Variants in TMEM175 observed in about 807,000 individuals in gnomAD.
TMEM175 encodes transmembrane protein 175.
A neutral mutation model predicts 36.5 loss-of-function variants in TMEM175; 36 were observed. The ratio of observed to expected loss-of-function variants is 0.99; its 90% confidence interval spans 0.76 to 1.30. TMEM175 has a LOEUF of 1.30. TMEM175 is among the 50% of genes most tolerant of loss of function. The pLI is 0.00. For missense variants in TMEM175, 705 were observed against 692.8 expected (o/e 1.02, Z -0.20); for synonymous variants, 339 against 313.4 (o/e 1.08, Z -0.86).
At position 958,181 on chromosome 4, in the gene TMEM175, C is replaced by G. The variant is rs867304463; in HGVS notation, c.1200C>G (p.His400Gln). 3 of 1,603,976 alleles carry G rather than the reference C, an allele frequency of 1.9e-6. No individual in the cohort carries two copies. In the Middle Eastern group the frequency reaches 5.0e-4, roughly 265 times the overall value. The change falls in exon 11 of 11, where the codon CAC becomes CAG. Residue 400 changes from histidine to glutamine, a missense_variant. By Grantham distance (24) the His-to-Gln change is conservative. Coordinates refer to ENST00000264771, the MANE Select transcript of TMEM175 (RefSeq NM_032326.4). ...CCATGTGGACCACGGCGCTGCTGCA[C>G]CAGGCGGAGACGCTGCAGCCCTCGG... ...QLAMWTTALL[H>Q]QAETLQPSVW...
chr4:958,521 G>A lies in TMEM175; in HGVS notation c.*25G>A, dbSNP rs574631728. On this transcript the variant is annotated 3_prime_UTR_variant, in exon 11 of 11. Transcript: ENST00000264771. ...GCAGCCACAGAGCCCACTCCCAGCC[G>A]TCCTCACCAGAGATGGACCAGGGAG... The A allele has an allele frequency of 3.1e-5, 46 of 1,468,136 alleles. No homozygotes were observed. The highest frequency in any genetic ancestry group is 2.2e-4 in the South Asian group (16 of 73,286). The allele number at this position is 1,468,136 out of a possible 1,614,324, so 90.9% of individuals were successfully genotyped here. A position where few individuals can be genotyped will look rare whatever the true frequency, so the allele number is the denominator to read the frequency against.
At chr4:947,953 C>A in intron 2 of TMEM175, 61 bp downstream of exon 2, 1 of 1,612,556 alleles carries the variant, frequency 6.2e-7, no homozygotes, top group Non-Finnish European at 8.5e-7. Flanking sequence ...CACTGCCCAG[C>A]CCACCTCAGA....
intron 5 of TMEM175, 139 bp from the exon 6 acceptor site, chr4:951,543 C>T: frequency 8.9e-7 from 1 of 1,127,728 alleles, no homozygotes; most frequent in Non-Finnish European, 1.3e-6. Flanking sequence ...CCTGCAGGGT[C>T]TGGGGGCTGG....
At chr4:941,433 AT>A (rs956682130) in intron 1 of TMEM175, among the ~76,000 whole-genome samples, 2 of 142,296 alleles carry the variant, frequency 1.4e-5, no homozygotes, top group Non-Finnish European at 1.5e-5. Context: ...TTTCTGCTCT[AT>A]TTTTCTTTTT....
chr4:953,494 C>G, intron 8 of TMEM175, 140 bp downstream of exon 8: 3 of 1,080,858 alleles, frequency 2.8e-6, no homozygotes, highest in Non-Finnish European at 3.8e-6. Context: ...GTGTGTGAGG[C>G]CCAGGGCTGC....
At chr4:953,566 G>A (rs991034509) in intron 8 of TMEM175, among the ~76,000 whole-genome samples, 1 of 152,242 alleles carries the variant, frequency 6.6e-6, no homozygotes, top group Non-Finnish European at 1.5e-5. Flanking sequence ...AGCCTGTCGA[G>A]GACAGAGACG....
At chr4:947,078 TG>T in intron 1 of TMEM175, among the ~76,000 whole-genome samples, 1 of 121,810 alleles carries the variant, frequency 8.2e-6, no homozygotes, top group Non-Finnish European at 1.7e-5. Context: ...GCGCGGCCCC[TG>T]TAGAGAACAG....
chr4:945,300 C>T (rs1045835428), intron 1 of TMEM175, among the ~76,000 whole-genome samples: 2 of 151,422 alleles, frequency 1.3e-5, no homozygotes, highest in Non-Finnish European at 1.5e-5. Context: ...AGGCCCCCGC[C>T]GTCTCTGTCT....
chr4:943,073 A>G (rs956008736), intron 1 of TMEM175, among the ~76,000 whole-genome samples: 1 of 152,198 alleles, frequency 6.6e-6, no homozygotes, highest in Non-Finnish European at 1.5e-5. Context: ...TCAAAACTCA[A>G]TGACATTACA....
intron 1 of TMEM175, among the ~76,000 whole-genome samples, chr4:941,898 GAAAA>G (rs760444931): frequency 6.7e-6 from 1 of 150,080 alleles, no homozygotes; most frequent in Non-Finnish European, 1.5e-5. Flanking sequence ...TATAAAAAAA[GAAAA>G]AAAAAGAATA....
At chr4:950,031 AGAGGGTACCATCCCT>A (rs1291774616) in intron 3 of TMEM175, among the ~76,000 whole-genome samples, 1 of 152,152 alleles carries the variant, frequency 6.6e-6, no homozygotes, top group Non-Finnish European at 1.5e-5. Context: ...GCGGATACAC[AGAGGGTACCATCCCT>A]GAGGCGGAGT....
intron 1 of TMEM175, among the ~76,000 whole-genome samples, chr4:935,754 T>C (rs939036168): frequency 6.6e-6 from 1 of 152,252 alleles, no homozygotes; most frequent in African/African-American, 2.4e-5. Context: ...CCTGATCATA[T>C]TCTGTTCTAT....
rs1334266022 is a variant in TMEM175, at chr4:957,889, T to C, written c.908T>C (p.Leu303Pro). The C allele has an allele frequency of 1.2e-6, 2 of 1,612,610 alleles. No homozygotes were observed. The highest frequency in any genetic ancestry group is 1.3e-5 in the African/African-American group (1 of 74,942). Residue 303 changes from leucine (L) to proline (P), a missense_variant, in exon 11 of 11, where the codon CTG becomes CCG. Transcript: ENST00000264771. The stretch of plus-strand genomic sequence containing the variant: ...TTCAGCGGCAGCCTCGTGGCCGCCC[T>C]GAGTGCGACCGGGCCGCGCTTCCTG... ...ERFSGSLVAA[L>P]SATGPRFLAY...
Position 947,804 on chromosome 4 carries a change from G to A in TMEM175, c.65G>A (p.Arg22Lys), listed in dbSNP as rs774416590. ...CCGGGGGACTGCCCCCCAGGCAGGAGAGACGAGGACGCTGGGGAGGGGATC... is the reference window on the plus strand; with the variant it reads ...CCGGGGGACTGCCCCCCAGGCAGGAAAGACGAGGACGCTGGGGAGGGGATC... Reference protein sequence around the residue: ...DTPGDCPPGRRDEDAGEGIQC... With the variant: ...DTPGDCPPGRKDEDAGEGIQC... Residue 22 changes from arginine (R) to lysine (K), a missense_variant, in exon 2 of 11, where the codon AGA becomes AAA. Arg to Lys is a conservative substitution (Grantham distance 26, BLOSUM62 2). Transcript: ENST00000264771. 3 of 1,613,190 alleles carry A rather than the reference G, an allele frequency of 1.9e-6. No homozygotes were observed. Among genetic ancestry groups the A allele is most frequent in the Non-Finnish European group, 2.5e-6 (3 of 1,179,996 alleles).
At chr4:933,656 A>G in intron 1 of TMEM175, among the ~76,000 whole-genome samples, 1 of 152,102 alleles carries the variant, frequency 6.6e-6, no homozygotes, top group Admixed American at 6.6e-5. Flanking sequence ...GGGCTCATGT[A>G]TGTTACCTGC....
intron 1 of TMEM175, among the ~76,000 whole-genome samples, chr4:938,274 C>A (rs181670831): frequency 6.6e-6 from 1 of 152,146 alleles, no homozygotes; most frequent in Non-Finnish European, 1.5e-5. Context: ...GAGGCCGAGT[C>A]GGGTGGGTCA....
intron 7 of TMEM175, 69 bp from the exon 8 acceptor site, chr4:953,121 G>C: frequency 1.3e-6 from 2 of 1,493,898 alleles, no homozygotes; most frequent in Non-Finnish European, 1.8e-6. Context: ...CATGCAGCCC[G>C]GGGGTTGACT....
chr4:957,099 C>T (rs1729764582), intron 10 of TMEM175, among the ~76,000 whole-genome samples: 1 of 152,202 alleles, frequency 6.6e-6, no homozygotes, highest in South Asian at 2.1e-4. Context: ...GGAGCCATGG[C>T]CAGGGGAGCT....
Position 950,404 on chromosome 4 carries a change from G to A in TMEM175, c.193-17G>A. The A allele has an allele frequency of 1.3e-6, 2 of 1,599,794 alleles. No individual in the cohort carries two copies. The highest frequency in any genetic ancestry group is 1.7e-6 in the Non-Finnish European group (2 of 1,167,000). On this transcript the variant is annotated splice_polypyrimidine_tract_variant and intron_variant, in intron 3 of 10. Transcript: ENST00000264771. ...TCATGTCACCTGGGCTCTGACAGCAGTGCTCTTGTATTCCAGCAGTTCGAC... is the reference window on the plus strand; with the variant it reads ...TCATGTCACCTGGGCTCTGACAGCAATGCTCTTGTATTCCAGCAGTTCGAC...
Sources: allele counts gnomAD v4.1 joint callset (sites outside exome capture counted in the v4.1 genomes callset), GRCh38; gene constraint gnomAD v4.1.1; transcripts MANE v1.5; gene names NCBI Gene and HGNC (gene_info 2026-07-23, HGNC 2026-07-21).